The following EYA2 variants were observed in gnomAD, a reference collection of about 807,000 sequenced individuals.
The protein encoded by EYA2 is protein phosphatase EYA2.
EYA2 carries 31 observed loss-of-function variants against 69.2 expected under a neutral mutation model. The ratio of observed to expected loss-of-function variants is 0.45; its 90% CI spans 0.34 to 0.60. The LOEUF (loss-of-function observed/expected upper bound fraction) is 0.60, where lower values mean the gene tolerates loss of function less well. Among genes scored for constraint, EYA2 ranks in the 20% least tolerant of loss-of-function variants. EYA2 has a pLI of 0.02. For missense variants in EYA2, 622 were observed against 701.2 expected, an observed-to-expected ratio of 0.89 and a Z score of 1.28; for synonymous variants, 257 against 279.4, an observed-to-expected ratio of 0.92 and a Z score of 0.80.
chr20:47,068,012 A>G (rs1378954419), intron 5 of EYA2, among the ~76,000 whole-genome samples: 1 of 152,024 alleles, frequency 6.6e-6, no homozygotes, highest in Non-Finnish European at 1.5e-5. Flanking sequence ...TTTTTCCCTT[A>G]TTCTGGCACA....
intron 1 of EYA2, among the ~76,000 whole-genome samples, chr20:46,965,875 T>C (rs1206775): frequency 1 from 151,649 of 152,354 alleles, 75,475 homozygotes; most frequent in Middle Eastern, 1. Context: ...TACCTGGCTG[T>C]CGCGGATGCT....
intron 5 of EYA2, among the ~76,000 whole-genome samples, chr20:47,046,409 TC>T (rs767289516): frequency 2.4e-4 from 37 of 152,294 alleles, no homozygotes; most frequent in Non-Finnish European, 4.9e-4. Context: ...CCTCTACCAC[TC>T]ATGGCTAGTG....
At chr20:47,143,503 A>G (rs1006024118) in intron 10 of EYA2, among the ~76,000 whole-genome samples, 1 of 152,240 alleles carries the variant, frequency 6.6e-6, no homozygotes, top group Non-Finnish European at 1.5e-5. Flanking sequence ...AAATTAGTAC[A>G]GATCCTCCTG....
intron 1 of EYA2, among the ~76,000 whole-genome samples, chr20:46,905,945 G>A (rs1018534424): frequency 6.6e-6 from 1 of 151,126 alleles, no homozygotes; most frequent in African/African-American, 2.5e-5. Flanking sequence ...CTGTTCTTCA[G>A]GTAGCTACCG....
At chr20:47,021,707 G>C (rs1213131880) in intron 5 of EYA2, among the ~76,000 whole-genome samples, 1 of 150,490 alleles carries the variant, frequency 6.6e-6, no homozygotes, top group East Asian at 1.9e-4. Context: ...AAGGGCCAGG[G>C]AACATAAAGA....
intron 10 of EYA2, among the ~76,000 whole-genome samples, chr20:47,168,590 TA>T (rs1315420481): frequency 6.6e-6 from 1 of 151,788 alleles, no homozygotes; most frequent in African/African-American, 2.4e-5. Context: ...GCCCTGGGGA[TA>T]GTGCCTGGCA....
At chr20:47,058,520 C>G (rs1023480343) in intron 5 of EYA2, among the ~76,000 whole-genome samples, 7 of 152,214 alleles carry the variant, frequency 4.6e-5, no homozygotes, top group African/African-American at 1.7e-4. Context: ...TGGTGCTGAC[C>G]CTGGGGGAGT....
At chr20:47,181,361 T>C (rs898910900) in intron 14 of EYA2, among the ~76,000 whole-genome samples, 72 of 152,196 alleles carry the variant, frequency 4.7e-4, no homozygotes, top group African/African-American at 1.7e-3. Flanking sequence ...TATTCTCATG[T>C]ATGGGGTCAA....
chr20:47,173,620 A>T (rs1401328909), intron 12 of EYA2, among the ~76,000 whole-genome samples: 4 of 150,244 alleles, frequency 2.7e-5, no homozygotes, highest in Non-Finnish European at 4.4e-5. Context: ...AGGTCTTGCT[A>T]TGCTGCCCAG....
At chr20:46,904,671 C>G (rs978023415) in intron 1 of EYA2, among the ~76,000 whole-genome samples, 2 of 152,172 alleles carry the variant, frequency 1.3e-5, no homozygotes, top group Non-Finnish European at 2.9e-5. Context: ...AAATATTTCT[C>G]ATTTTTCTCC....
intron 5 of EYA2, among the ~76,000 whole-genome samples, chr20:47,043,986 A>G (rs1048725005): frequency 4.6e-5 from 7 of 152,318 alleles, no homozygotes; most frequent in African/African-American, 1.4e-4. Context: ...GTAATAGACT[A>G]TCCTTTTAAC....
chr20:47,034,364 T>C (rs1221103610), intron 5 of EYA2, among the ~76,000 whole-genome samples: 3 of 152,180 alleles, frequency 2.0e-5, no homozygotes, highest in East Asian at 1.9e-4. Context: ...ATTAAGCTGA[T>C]ATAAGGGAAA....
Position 47,040,207 on chromosome 20 carries a change from G to C in EYA2, c.415+23910G>C, listed in dbSNP as rs138683320. 2.7e-4 allele frequency among the ~76,000 whole-genome samples: 41 copies of C among 152,276 alleles called. 1 individual carries two copies. The highest frequency in any genetic ancestry group is 9.9e-4 in the African/African-American group (41 of 41,548). On this transcript the variant is annotated intron_variant, in intron 5 of 15. Transcript: ENST00000327619. ...GTGAGACTGCACCCAGTAAGTGTTT[G>C]CCATTTTAAGCACAGAAGGCCATCT...
chr20:47,078,331 G>GCACACACACACA (rs60383949), intron 7 of EYA2, among the ~76,000 whole-genome samples: 14 of 123,826 alleles, frequency 1.1e-4, no homozygotes, highest in Middle Eastern at 4.6e-3. Flanking sequence ...GCGCGCGCGC[G>GCACACACACACA]CACACACACA....
chr20:46,940,841 CAG>C (rs1491574129), intron 1 of EYA2, among the ~76,000 whole-genome samples: 1 of 152,188 alleles, frequency 6.6e-6, no homozygotes, highest in African/African-American at 2.4e-5. Context: ...CCACAGCTGT[CAG>C]AGGGGAACAG....
rs765083065 is a variant in EYA2 at position 47,185,276 on chromosome 20, C to CTTTTTTTT, written c.1536+1920_1536+1927dup. Among the ~76,000 whole-genome samples the CTTTTTTTT allele has an allele frequency of 7.7e-4, 43 of 55,930 alleles. 9 individuals carry two copies. The highest frequency in any genetic ancestry group is 2.0e-3 in the East Asian group (3 of 1,512). The allele number at this position is 55,930 out of a possible 152,430, so 36.7% of individuals were successfully genotyped here. ...CTCTCCCAGAAAAATGAATCACACT[C>CTTTTTTTT]TTTTTTTTTTTTTTTTTTTTTTTTT... On this transcript the variant is annotated intron_variant, in intron 15 of 15. Transcript: ENST00000327619.
At chr20:47,018,988 G>A (rs1983585877) in intron 5 of EYA2, among the ~76,000 whole-genome samples, 1 of 152,176 alleles carries the variant, frequency 6.6e-6, no homozygotes, top group South Asian at 2.1e-4. Flanking sequence ...CGTGACATGA[G>A]CACTGCCACT....
chr20:46,974,345 T>G (rs557348656), intron 1 of EYA2, among the ~76,000 whole-genome samples: 1 of 152,328 alleles, frequency 6.6e-6, no homozygotes, highest in Non-Finnish European at 1.5e-5. Context: ...TCCTGCCTGT[T>G]TCTCTTCCCC....
chr20:47,162,517 CT>C (rs10634442), intron 10 of EYA2, among the ~76,000 whole-genome samples: 2,122 of 121,488 alleles, frequency 0.017, 32 homozygotes, highest in African/African-American at 0.06. Flanking sequence ...ACACATTATC[CT>C]TTTTTTTTTT....
Sources: allele counts gnomAD v4.1 joint callset (sites outside exome capture counted in the v4.1 genomes callset), GRCh38; gene constraint gnomAD v4.1.1; transcripts MANE v1.5; gene names NCBI Gene and HGNC (gene_info 2026-07-23, HGNC 2026-07-21).